N4BP2L2: variants seen among roughly 807,000 people sequenced by gnomAD.
N4BP2L2 encodes the protein NEDD4-binding protein 2-like 2.
Under a neutral mutation model 56.2 loss-of-function variants are expected in N4BP2L2, and 50 were observed. The ratio of observed to expected loss-of-function variants is 0.89; its 90% CI spans 0.71 to 1.13. The LOEUF is 1.13. Ranked by LOEUF, N4BP2L2 falls within the 50% of genes most tolerant of loss-of-function variation. The pLI, the probability that N4BP2L2 is intolerant of heterozygous loss-of-function variation, is 0.00. For synonymous variants in N4BP2L2, 203 were observed against 223.6 expected, an observed-to-expected ratio of 0.91 and a Z score of 0.82; for missense variants, 689 against 693.8, an observed-to-expected ratio of 0.99 and a Z score of 0.08.
At chr13:32,495,926 G>A (rs1480017433) in intron 6 of N4BP2L2, among the ~76,000 whole-genome samples, 8 of 152,012 alleles carry the variant, frequency 5.3e-5, no homozygotes, top group African/African-American at 9.7e-5. Flanking sequence ...CAAGTGATCC[G>A]CCTGCCTCAG....
At chr13:32,444,139 A>G in intron 6 of N4BP2L2, 1 of 1,469,780 alleles carries the variant, frequency 6.8e-7, no homozygotes, top group Non-Finnish European at 9.0e-7. Flanking sequence ...GAAATATTAA[A>G]GAATTAAGAA....
chr13:32,538,750 C>T (rs1487996674), exon 1 of N4BP2L2: 10 of 985,348 alleles, frequency 1.0e-5, no homozygotes, highest in Non-Finnish European at 1.2e-5. Flanking sequence ...AAAAGCCCAC[C>T]TCTCAGAATC....
At chr13:32,458,931 T>A (rs990514956) in intron 6 of N4BP2L2, among the ~76,000 whole-genome samples, 4 of 152,174 alleles carry the variant, frequency 2.6e-5, no homozygotes, top group African/African-American at 9.7e-5. Context: ...ACTGTAATCA[T>A]ATCAAGTATC....
downstream of N4BP2L2, chr13:32,506,004 A>T (rs1231806532): frequency 1.3e-5 from 2 of 152,174 alleles, no homozygotes; most frequent in Non-Finnish European, 2.9e-5. Context: ...CCACTTTCCC[A>T]ATACCAAAAT....
intron 6 of N4BP2L2, among the ~76,000 whole-genome samples, chr13:32,493,314 C>CATTTGTG (rs2087658573): frequency 2.6e-5 from 4 of 152,002 alleles, no homozygotes; most frequent in Non-Finnish European, 5.9e-5. Context: ...TCTCATGCCT[C>CATTTGTG]TATCTATTTG....
At chr13:32,437,222 G>A (rs1437244003) in intron 8 of N4BP2L2, among the ~76,000 whole-genome samples, 2 of 152,166 alleles carry the variant, frequency 1.3e-5, no homozygotes, top group African/African-American at 4.8e-5. Context: ...TGCTCTGTGT[G>A]TGTGTATGTG....
rs184124389 is a variant in N4BP2L2, at chr13:32,436,758, C to T, written c.2191-353G>A. ...CGAGCTGAGATCACGCCACTGCACT[C>T]CAGCCTGGCTGAGAGAGTGTGACTG... On this transcript the variant is annotated intron_variant, in intron 8 of 9. Transcript: ENST00000357505. 2.3e-3 allele frequency among the ~76,000 whole-genome samples: 296 copies of T among 126,170 alleles called. 1 individual carries two copies. The Middle Eastern group carries it at 0.025, about 11-fold the overall frequency. The allele number at this position is 126,170 out of a possible 152,430, so 82.8% of individuals were successfully genotyped here.
exon 6 of N4BP2L2, chr13:32,515,485 A>G (rs2049006093): frequency 6.6e-6 from 1 of 152,114 alleles, no homozygotes; most frequent in African/African-American, 2.4e-5. Context: ...AGCCTCAGTA[A>G]GATTTATTTA....
chr13:32,444,429 T>A (rs1400584143), intron 6 of N4BP2L2, among the ~76,000 whole-genome samples: 1 of 152,142 alleles, frequency 6.6e-6, no homozygotes, highest in African/African-American at 2.4e-5. Context: ...CACGCTTGTC[T>A]AATTTTTTTG....
intron 6 of N4BP2L2, among the ~76,000 whole-genome samples, chr13:32,458,127 T>C (rs2079306906): frequency 6.6e-6 from 1 of 152,224 alleles, no homozygotes; most frequent in Non-Finnish European, 1.5e-5. Context: ...TGCAGTGGCA[T>C]GATCTCGGCT....
In N4BP2L2 at chr13:32,485,158, T is replaced by C. The variant is rs188924153; in HGVS notation, c.365+32699A>G. Among the ~76,000 whole-genome samples, 365 of 152,360 alleles carry C rather than the reference T, an allele frequency of 2.4e-3. 2 individuals carry two copies. Among genetic ancestry groups the C allele is most frequent in the Non-Finnish European group, 4.1e-3 (276 of 68,032 alleles). On this transcript the variant is annotated intron_variant, in intron 6 of 9. Transcript: ENST00000357505. ...CCTTCCTTGTTATTTTGTTTGTTAC[T>C]GAAAATGGTATAACATGATTATTAT... is the stretch of plus-strand genomic sequence containing the variant.
At chr13:32,454,738 C>T (rs750509774) in intron 6 of N4BP2L2, among the ~76,000 whole-genome samples, 13 of 152,182 alleles carry the variant, frequency 8.5e-5, no homozygotes, top group Non-Finnish European at 1.8e-4. Context: ...TGGCTAGAGG[C>T]ATCCAGCACT....
chr13:32,527,555 A>G (rs1034071096), intron 2 of N4BP2L2, 23 bp from the exon 3 acceptor site: 2 of 1,606,570 alleles, frequency 1.2e-6, no homozygotes, highest in Admixed American at 3.4e-5. Context: ...GAAATCATAA[A>G]GGTGCCATTT....
intron 6 of N4BP2L2, among the ~76,000 whole-genome samples, chr13:32,500,195 G>C (rs2089694707): frequency 6.6e-6 from 1 of 152,064 alleles, no homozygotes; most frequent in Non-Finnish European, 1.5e-5. Context: ...GAATTCATAT[G>C]ACCAAACACA....
At chr13:32,516,480 G>C (rs1361934396) in exon 6 of N4BP2L2, 2 of 152,146 alleles carry the variant, frequency 1.3e-5, no homozygotes, top group African/African-American at 2.4e-5. Context: ...AGTGAATCTA[G>C]TTTTTGGCCT....
intron 6 of N4BP2L2, among the ~76,000 whole-genome samples, chr13:32,462,376 G>A (rs2080278348): frequency 6.6e-6 from 1 of 152,074 alleles, no homozygotes; most frequent in South Asian, 2.1e-4. Flanking sequence ...ATTCATACAT[G>A]GAAACTAAAA....
chr13:32,532,312 T>G (rs2055051975), intron 2 of N4BP2L2, among the ~76,000 whole-genome samples: 1 of 152,208 alleles, frequency 6.6e-6, no homozygotes, highest in Non-Finnish European at 1.5e-5. Context: ...GTAAGAAAGA[T>G]CCCACTGTTT....
intron 2 of N4BP2L2, among the ~76,000 whole-genome samples, chr13:32,529,640 T>C (rs904714146): frequency 2.8e-5 from 4 of 141,446 alleles, no homozygotes; most frequent in Non-Finnish European, 6.2e-5. Context: ...GTCTAGATAC[T>C]TTATGCTTCC....
At chr13:32,508,915 TAA>T (rs1306952599), downstream of N4BP2L2, 2 of 152,186 alleles carry the variant, frequency 1.3e-5, no homozygotes, top group Non-Finnish European at 2.9e-5. Flanking sequence ...AATTCTTCTG[TAA>T]AGTGTTAAAG....
Sources: allele counts gnomAD v4.1 joint callset (sites outside exome capture counted in the v4.1 genomes callset), GRCh38; gene constraint gnomAD v4.1.1; transcripts MANE v1.5; gene names NCBI Gene and HGNC (gene_info 2026-07-23, HGNC 2026-07-21).